Variants in SMIM7 observed in about 807,000 individuals in gnomAD.
The protein encoded by SMIM7 is small integral membrane protein 7.
A neutral mutation model predicts 13.3 loss-of-function variants in SMIM7; 12 were observed. The ratio of observed to expected loss-of-function variants is 0.90; its 90% confidence interval spans 0.58 to 1.46. The LOEUF is 1.46. Among genes scored for constraint, SMIM7 ranks in the 40% most tolerant of loss-of-function variants. The pLI, the probability that SMIM7 is intolerant of heterozygous loss-of-function variation, is 0.00. For missense variants in SMIM7, 114 were observed against 94.8 expected, an observed-to-expected ratio of 1.20 and a Z score of -0.84; for synonymous variants, 36 against 35.8, an observed-to-expected ratio of 1.01 and a Z score of -0.02.
At chr19:16,654,234 A>C (rs557653396) in intron 3 of SMIM7, 109 bp from the exon 4 acceptor site, 64 of 799,300 alleles carry the variant, frequency 8.0e-5, no homozygotes, top group Non-Finnish European at 1.3e-4. Flanking sequence ...GCTGCCTCCA[A>C]CTTCGGCAAC....
intron 4 of SMIM7, chr19:16,634,081 A>C (rs1211005441): frequency 6.6e-6 from 1 of 152,186 alleles, no homozygotes; most frequent in African/African-American, 2.4e-5. Flanking sequence ...GTGAGCTTGT[A>C]ATCTCCAAAA....
chr19:16,647,776 G>C (rs2086469218), intron 4 of SMIM7, among the ~76,000 whole-genome samples: 1 of 152,072 alleles, frequency 6.6e-6, no homozygotes, highest in African/African-American at 2.4e-5. Context: ...CCCTATAAGG[G>C]AAAGCGGTAC....
chr19:16,655,425 A>G (rs1224008519), intron 3 of SMIM7: 1 of 455,168 alleles, frequency 2.2e-6, no homozygotes, highest in Non-Finnish European at 4.4e-6. Flanking sequence ...TCACACTTGT[A>G]ATCCCAGCAC....
intron 4 of SMIM7, among the ~76,000 whole-genome samples, chr19:16,633,225 A>G (rs2086334621): frequency 1.3e-5 from 2 of 151,756 alleles, no homozygotes; most frequent in Non-Finnish European, 2.9e-5. Flanking sequence ...GGGAGGCAGA[A>G]GTGGATGGAT....
chr19:16,653,313 T>G (rs1489590521), intron 4 of SMIM7, among the ~76,000 whole-genome samples: 1 of 152,210 alleles, frequency 6.6e-6, no homozygotes, highest in Non-Finnish European at 1.5e-5. Flanking sequence ...CCGGGTGTGG[T>G]AGCTCACATC....
At chr19:16,643,720 AAAAC>A (rs2086421781), downstream of SMIM7, among the ~76,000 whole-genome samples, 1 of 152,204 alleles carries the variant, frequency 6.6e-6, no homozygotes, top group South Asian at 2.1e-4. Context: ...CAAGCAAAGT[AAAAC>A]AAACAAAAGC....
chr19:16,652,766 G>A, intron 4 of SMIM7: 2 of 1,500,042 alleles, frequency 1.3e-6, no homozygotes, highest in East Asian at 2.5e-5. Context: ...AATCACTCAG[G>A]ACAGACAACT....
intron 4 of SMIM7, among the ~76,000 whole-genome samples, chr19:16,648,037 C>G (rs142926481): frequency 6.6e-6 from 1 of 152,156 alleles, no homozygotes; most frequent in East Asian, 1.9e-4. Context: ...AGAAAACTTA[C>G]GTGTACATCT....
chr19:16,648,985 A>C (rs1300866435), intron 4 of SMIM7, among the ~76,000 whole-genome samples: 1 of 152,188 alleles, frequency 6.6e-6, no homozygotes, highest in Non-Finnish European at 1.5e-5. Flanking sequence ...ACTGTACTCC[A>C]GCTCCAGCCT....
At chr19:16,632,500 A>G (rs947965971) in intron 4 of SMIM7, among the ~76,000 whole-genome samples, 5 of 151,634 alleles carry the variant, frequency 3.3e-5, no homozygotes, top group Non-Finnish European at 7.4e-5. Context: ...CACGGCTGGG[A>G]CACCAACGAA....
chr19:16,637,584 A>G (rs2086368881), intron 4 of SMIM7, among the ~76,000 whole-genome samples: 1 of 152,188 alleles, frequency 6.6e-6, no homozygotes, highest in African/African-American at 2.4e-5. Context: ...AACACCCCCA[A>G]GGGATTTAGG....
At chr19:16,652,675 C>G (rs1248659639) in intron 4 of SMIM7, 1 of 1,400,100 alleles carries the variant, frequency 7.1e-7, no homozygotes, top group South Asian at 1.6e-5. Flanking sequence ...CTCCCCAGAT[C>G]TCCTATGTCC....
At chr19:16,650,981 C>T (rs1029183232) in intron 4 of SMIM7, among the ~76,000 whole-genome samples, 2 of 152,180 alleles carry the variant, frequency 1.3e-5, no homozygotes, top group Admixed American at 6.6e-5. Flanking sequence ...GTTTCATTTC[C>T]CCATGCAGAC....
At position 16,647,183 on chromosome 19, in the gene SMIM7, A is replaced by C. The variant is rs2086459446; in HGVS notation, c.*63T>G. On this transcript the variant is annotated 3_prime_UTR_variant, in exon 5 of 5. Coordinates refer to ENST00000487416, the MANE Select transcript of SMIM7 (RefSeq NM_024104.4). ...GGTCAAAAACATTCTTGAAGTCATC[A>C]GGAATGGAGGAATGGAGACTCGGCA... The C allele has an allele frequency of 6.2e-7, 1 of 1,606,680 alleles. No individual in the cohort carries two copies. The highest frequency in any genetic ancestry group is 8.5e-7 in the Non-Finnish European group (1 of 1,173,852).
intron 4 of SMIM7, chr19:16,639,953 GTT>G (rs1012071011): frequency 2.1e-5 from 3 of 142,480 alleles, no homozygotes; most frequent in Non-Finnish European, 3.1e-5. Context: ...TCGGTTTTTT[GTT>G]TTTTTTTTTT....
At chr19:16,643,371 G>A (rs1403902536), downstream of SMIM7, among the ~76,000 whole-genome samples, 1 of 152,140 alleles carries the variant, frequency 6.6e-6, no homozygotes, top group Non-Finnish European at 1.5e-5. Context: ...CATTTGATAA[G>A]TTTCTTCAAT....
chr19:16,633,465 G>GAAAAAAAAAAAAAAAAAAAAAAAA (rs869067591), intron 4 of SMIM7, among the ~76,000 whole-genome samples: 2 of 87,664 alleles, frequency 2.3e-5, no homozygotes. Flanking sequence ...CAAAAAAAAA[G>GAAAAAAAAAAAAAAAAAAAAAAAA]AAAAAAAAAA....
chr19:16,637,939 A>C (rs1187914687), intron 4 of SMIM7, among the ~76,000 whole-genome samples: 3 of 152,102 alleles, frequency 2.0e-5, no homozygotes, highest in Non-Finnish European at 2.9e-5. Context: ...AGGTTAAATA[A>C]GGTCATAAGG....
At position 16,638,758 on chromosome 19, in the gene SMIM7, A is replaced by G. The variant is rs549174966; in HGVS notation, c.*138-7034T>C. ...TTTTAATAAAAGCAACAACATTAATAAAAACAGTGACAACTACTGAGTGGC... is the reference window on the plus strand; with the variant it reads ...TTTTAATAAAAGCAACAACATTAATGAAAACAGTGACAACTACTGAGTGGC... On this transcript the variant is annotated intron_variant and NMD_transcript_variant, in intron 4 of 4. Coordinates refer to the SMIM7 transcript ENST00000465250. The G allele has an allele frequency of 3.9e-5, 6 of 152,350 alleles. No homozygotes were observed. The East Asian group carries it at 9.6e-4, about 24-fold the overall frequency. The allele number at this position is 152,350 out of a possible 1,614,324, so 9.4% of individuals were successfully genotyped here. A position where few individuals can be genotyped will look rare whatever the true frequency, so the allele number is the denominator to read the frequency against.
Sources: gnomAD v4.1 joint callset for allele counts (sites outside exome capture counted in the v4.1 genomes callset) on GRCh38, gnomAD v4.1.1 for gene constraint, MANE v1.5 for transcripts, NCBI Gene and HGNC (gene_info 2026-07-23, HGNC 2026-07-21) for gene names.